SIPA1L2: variants seen among roughly 807,000 people sequenced by gnomAD.
SIPA1L2 encodes signal induced proliferation associated 1 like 2.
In SIPA1L2, 56 loss-of-function variants were observed where a neutral mutation model predicts 163.9. That is an observed-to-expected ratio of 0.34 (90% CI 0.28 to 0.43). The LOEUF is 0.43. Ranked by LOEUF, SIPA1L2 falls within the 20% of genes least tolerant of loss-of-function variation. The pLI, the probability that SIPA1L2 is intolerant of heterozygous loss-of-function variation, is 1.00. For missense variants in SIPA1L2, 1,974 were observed against 2,193.5 expected (o/e 0.90, Z 2.00); for synonymous variants, 877 against 865.7 (o/e 1.01, Z -0.23).
At chr1:232,508,148 A>G (rs1413262459) in intron 3 of SIPA1L2, among the ~76,000 whole-genome samples, 1 of 152,188 alleles carries the variant, frequency 6.6e-6, no homozygotes, top group Non-Finnish European at 1.5e-5. Flanking sequence ...TGCCAGCAGA[A>G]TGGCTCTAGC....
intron 3 of SIPA1L2, among the ~76,000 whole-genome samples, chr1:232,510,140 T>G (rs1666913268): frequency 6.6e-6 from 1 of 152,152 alleles, no homozygotes; most frequent in Non-Finnish European, 1.5e-5. Flanking sequence ...AGAAATCTGA[T>G]GCATGGCACT....
chr1:232,570,165 A>G (rs1659636771), intron 2 of SIPA1L2, among the ~76,000 whole-genome samples: 1 of 152,218 alleles, frequency 6.6e-6, no homozygotes, highest in Admixed American at 6.5e-5. Flanking sequence ...TTGTAAGGAC[A>G]AGAATTTGGA....
chr1:232,555,156 C>A (rs4460585), intron 2 of SIPA1L2, among the ~76,000 whole-genome samples: 1 of 152,210 alleles, frequency 6.6e-6, no homozygotes, highest in Non-Finnish European at 1.5e-5. Flanking sequence ...ACTCTTCTTT[C>A]GAACAAATGA....
chr1:232,402,636 G>A (rs1216837252), intron 21 of SIPA1L2, 163 bp from the exon 22 acceptor site: 1 of 536,810 alleles, frequency 1.9e-6, no homozygotes, highest in Non-Finnish European at 3.2e-6. Flanking sequence ...TGATCTAGTG[G>A]AAAGCCCATT....
chr1:232,461,665 C>T lies in SIPA1L2; in HGVS notation c.2821-504G>A, dbSNP rs189789517. Among the ~76,000 whole-genome samples, 16 of 152,292 alleles carry T rather than the reference C, an allele frequency of 1.1e-4. No homozygotes were observed. In the East Asian group the frequency reaches 2.9e-3, roughly 28 times the overall value. Reference sequence around the variant, plus strand: ...AAAAACCATGAGACAATTTATTCATCCCAAGCAAAGAAAAACACCCCAAAG... The same window carrying T: ...AAAAACCATGAGACAATTTATTCATTCCAAGCAAAGAAAAACACCCCAAAG... On this transcript the variant is annotated intron_variant, in intron 9 of 22. Coordinates refer to ENST00000674635, the MANE Select transcript of SIPA1L2 (RefSeq NM_020808.5).
chr1:232,465,642 C>T lies in SIPA1L2; in HGVS notation c.2244-226G>A, dbSNP rs76503185. On this transcript the variant is annotated intron_variant, in intron 8 of 22. Coordinates refer to ENST00000674635, the MANE Select transcript of SIPA1L2 (RefSeq NM_020808.5). The surrounding 1 kb of genome is among the most constrained non-coding windows in gnomAD (Gnocchi z 4.1). ...GGGTTTGTTGTTATTGTTGTTTAAG[C>T]AAAATGCTTTAAACTTAGTAGACAG... 2.2e-3 allele frequency among the ~76,000 whole-genome samples: 341 copies of T among 152,000 alleles called. 2 individuals are homozygous for T. The highest frequency in any genetic ancestry group is 4.0e-3 in the Non-Finnish European group (270 of 67,984).
At chr1:232,565,031 C>A (rs910209931) in intron 2 of SIPA1L2, among the ~76,000 whole-genome samples, 2 of 152,106 alleles carry the variant, frequency 1.3e-5, no homozygotes, top group Non-Finnish European at 2.9e-5. Context: ...TAAACCGGCA[C>A]GTTCTGTGCT....
intron 2 of SIPA1L2, among the ~76,000 whole-genome samples, chr1:232,539,206 C>A (rs945614714): frequency 1.3e-5 from 2 of 152,298 alleles, no homozygotes; most frequent in Non-Finnish European, 1.5e-5. Context: ...TAACCTGATG[C>A]CAGTTGAAAC....
chr1:232,544,485 G>A (rs1294953996), intron 2 of SIPA1L2, among the ~76,000 whole-genome samples: 4 of 151,944 alleles, frequency 2.6e-5, no homozygotes, highest in East Asian at 3.9e-4. Flanking sequence ...GCGTGAACCC[G>A]GAAGGCACAG....
intron 1 of SIPA1L2, among the ~76,000 whole-genome samples, chr1:232,616,554 G>A (rs1305016891): frequency 4.6e-5 from 7 of 152,214 alleles, no homozygotes; most frequent in Non-Finnish European, 1.5e-5. Context: ...GGGCCCTATG[G>A]TGGCAGACAC....
At chr1:232,545,800 T>C (rs1330729246) in intron 2 of SIPA1L2, among the ~76,000 whole-genome samples, 1 of 152,220 alleles carries the variant, frequency 6.6e-6, no homozygotes, top group African/African-American at 2.4e-5. Flanking sequence ...TAATGTTCTA[T>C]AATATTTTTC....
intron 2 of SIPA1L2, among the ~76,000 whole-genome samples, 153 bp downstream of exon 2, chr1:232,574,021 A>G (rs1241892708): frequency 6.6e-6 from 1 of 152,068 alleles, no homozygotes; most frequent in African/African-American, 2.4e-5. Flanking sequence ...TCACCCATGT[A>G]TTTGCTGTGG....
rs188944608 is a variant in SIPA1L2 at position 232,605,319 on chromosome 1, C to T, written c.-319+24550G>A. On this transcript the variant is annotated intron_variant, in intron 1 of 22. Transcript: ENST00000674635. Reference sequence around the variant, plus strand: ...TGTGTGAGCCACTGTGCCCAGCCACCCAAGGTAGTACAGACTTCAGGTTCA... The same window carrying T: ...TGTGTGAGCCACTGTGCCCAGCCACTCAAGGTAGTACAGACTTCAGGTTCA... Among the ~76,000 whole-genome samples, 1,426 of 152,248 alleles carry T rather than the reference C, an allele frequency of 9.4e-3. 15 individuals are homozygous for T. The highest frequency in any genetic ancestry group is 0.014 in the Non-Finnish European group (953 of 68,018).
At chr1:232,517,304 C>T (rs1158584066) in intron 2 of SIPA1L2, among the ~76,000 whole-genome samples, 2 of 152,130 alleles carry the variant, frequency 1.3e-5, no homozygotes, top group African/African-American at 4.8e-5. Flanking sequence ...TATTGAAATA[C>T]CAGTATCTGT....
chr1:232,556,205 A>C (rs1227707458), intron 2 of SIPA1L2, among the ~76,000 whole-genome samples: 1 of 152,234 alleles, frequency 6.6e-6, no homozygotes, highest in Non-Finnish European at 1.5e-5. Flanking sequence ...CAGAGGAATG[A>C]ACTGAACTCA....
At chr1:232,622,691 G>T (rs1662878404) in intron 1 of SIPA1L2, among the ~76,000 whole-genome samples, 2 of 152,172 alleles carry the variant, frequency 1.3e-5, no homozygotes, top group East Asian at 3.9e-4. Context: ...TGTAACAGAT[G>T]GAACACAGTC....
intron 1 of SIPA1L2, among the ~76,000 whole-genome samples, chr1:232,583,114 T>TGG (rs1368631539): frequency 1.3e-5 from 2 of 152,338 alleles, no homozygotes; most frequent in Non-Finnish European, 2.9e-5. Context: ...CCAACTTGCC[T>TGG]GGGTAAAGGG....
rs774280766 is a variant in SIPA1L2, at chr1:232,514,018, G to A, written c.1322C>T (p.Ser441Phe). 4 of 1,614,218 alleles carry A rather than the reference G, an allele frequency of 2.5e-6. No homozygotes were observed. Among genetic ancestry groups the A allele is most frequent in the Non-Finnish European group, 3.4e-6 (4 of 1,180,034 alleles). Residue 441 changes from serine (S) to phenylalanine (F), a missense_variant, in exon 3 of 23, where the codon TCT becomes TTT. By Grantham distance (155) the Ser-to-Phe change is radical. Around this residue, in one of 3 missense-constraint regions of SIPA1L2, gnomAD observed 607 missense variants for 624.0 expected, o/e 0.97. Transcript: ENST00000674635. ...GTGAGAGCTGAGTGACGATTCGAAA[G>A]AGCAGCTTTCCCCAGAACTGAAAGA... ...SSSFSSGESCSFESSLSSHCT... is the reference protein window; with the variant it reads ...SSSFSSGESCFFESSLSSHCT...
intron 10 of SIPA1L2, among the ~76,000 whole-genome samples, chr1:232,457,368 T>C (rs111634660): frequency 0.031 from 4,723 of 152,318 alleles, 112 homozygotes; most frequent in Non-Finnish European, 0.045. Context: ...TTTCACAACA[T>C]TTATGAGACT....
Sources: gnomAD v4.1 joint callset for allele counts (sites outside exome capture counted in the v4.1 genomes callset) on GRCh38, gnomAD v4.1.1 for gene constraint, gnomAD v4.1.1 regional missense constraint, Gnocchi (gnomAD v3.1) non-coding constraint, MANE v1.5 for transcripts, NCBI Gene and HGNC (gene_info 2026-07-23, HGNC 2026-07-21) for gene names.